Variants in PIK3C2G observed in about 807,000 individuals in gnomAD.
PIK3C2G encodes phosphatidylinositol 3-kinase C2 domain-containing subunit gamma.
In PIK3C2G, 168 loss-of-function variants were observed where a neutral mutation model predicts 181.1. The ratio of observed to expected loss-of-function variants is 0.93; its 90% CI spans 0.82 to 1.05. PIK3C2G has a LOEUF of 1.05. Among genes scored for constraint, PIK3C2G ranks in the 50% least tolerant of loss-of-function variants. The probability of loss-of-function intolerance (pLI) is 0.00; values close to 1 mark genes in which losing one functional copy is unlikely to be tolerated. For missense variants in PIK3C2G, 1,869 were observed against 1,732.8 expected, an observed-to-expected ratio of 1.08 and a Z score of -1.40; for synonymous variants, 573 against 592.2, an observed-to-expected ratio of 0.97 and a Z score of 0.47.
intron 16 of PIK3C2G, among the ~76,000 whole-genome samples, chr12:18,404,471 A>G (rs927982554): frequency 7.9e-5 from 12 of 152,160 alleles, no homozygotes; most frequent in Non-Finnish European, 1.8e-4. Flanking sequence ...CATCACCAAA[A>G]TAAGTATTAA....
At chr12:18,509,355 ATTG>A (rs1292165120) in intron 24 of PIK3C2G, among the ~76,000 whole-genome samples, 1 of 152,224 alleles carries the variant, frequency 6.6e-6, no homozygotes, top group Non-Finnish European at 1.5e-5. Context: ...GTTACAAAAT[ATTG>A]TTAACATATA....
At chr12:18,333,518 T>C (rs1468963197) in intron 8 of PIK3C2G, among the ~76,000 whole-genome samples, 5 of 152,092 alleles carry the variant, frequency 3.3e-5, no homozygotes, top group Admixed American at 2.6e-4. Context: ...CTCCCACTTA[T>C]GAATGAGAAC....
intron 29 of PIK3C2G, among the ~76,000 whole-genome samples, chr12:18,568,384 T>TTG (rs56936466): frequency 0.064 from 9,328 of 145,766 alleles, 343 homozygotes; most frequent in African/African-American, 0.11. Flanking sequence ...ACCAACAAAA[T>TTG]TGTGTGTGTG....
chr12:18,707,574 G>T, the PIK3C2G span, among the ~76,000 whole-genome samples: 1 of 152,108 alleles, frequency 6.6e-6, no homozygotes, highest in African/African-American at 2.4e-5. Flanking sequence ...GCTCACCTAA[G>T]AGTCATACTT....
At chr12:18,579,196 A>G (rs1946372339) in intron 29 of PIK3C2G, among the ~76,000 whole-genome samples, 2 of 152,154 alleles carry the variant, frequency 1.3e-5, no homozygotes, top group South Asian at 4.1e-4. Context: ...TGCAACATAT[A>G]TTTTACTCTC....
chr12:18,420,471 T>A (rs78171632), intron 16 of PIK3C2G, among the ~76,000 whole-genome samples: 3,257 of 152,260 alleles, frequency 0.021, 74 homozygotes, highest in South Asian at 0.028. Flanking sequence ...ATTAAATTAT[T>A]TTTGTTTATT....
chr12:18,402,415 T>C (rs1334858482), intron 16 of PIK3C2G, among the ~76,000 whole-genome samples: 1 of 152,102 alleles, frequency 6.6e-6, no homozygotes, highest in African/African-American at 2.4e-5. Flanking sequence ...GGTATGAGGT[T>C]TCCTTTTGTG....
At chr12:18,400,342 A>G (rs1944177075) in intron 16 of PIK3C2G, among the ~76,000 whole-genome samples, 2 of 152,226 alleles carry the variant, frequency 1.3e-5, no homozygotes. Flanking sequence ...AGCACCAGGA[A>G]AGGGCTAATG....
chr12:18,677,370 G>A, the PIK3C2G span, among the ~76,000 whole-genome samples: 2 of 152,098 alleles, frequency 1.3e-5, no homozygotes, highest in Non-Finnish European at 1.5e-5. Flanking sequence ...ATAGAGGCAA[G>A]GCTAGTTGTT....
At chr12:18,546,833 C>A (rs546287517) in intron 26 of PIK3C2G, among the ~76,000 whole-genome samples, 1 of 152,086 alleles carries the variant, frequency 6.6e-6, no homozygotes, top group Admixed American at 6.6e-5. Flanking sequence ...GATATTTGGT[C>A]AAAGACCTGT....
chr12:18,362,686 A>G (rs924437498), intron 11 of PIK3C2G, 78 bp from the exon 12 acceptor site: 25 of 1,049,162 alleles, frequency 2.4e-5, no homozygotes, highest in Middle Eastern at 2.6e-4. Flanking sequence ...ACTTTTGACT[A>G]CAAAAATAAT....
chr12:18,245,846 A>T (rs10505815), upstream of PIK3C2G, among the ~76,000 whole-genome samples: 65,357 of 151,822 alleles, frequency 0.43, 14,630 homozygotes, highest in East Asian at 0.75. Context: ...ATAAATTCGC[A>T]ACTTGAGTTT....
At chr12:18,593,633 A>G (rs12821147) in intron 29 of PIK3C2G, among the ~76,000 whole-genome samples, 32,818 of 151,690 alleles carry the variant, frequency 0.22, 3,585 homozygotes, top group African/African-American at 0.26. Flanking sequence ...CATGGAGAGG[A>G]CTACTTTGGT....
intron 1 of PIK3C2G, among the ~76,000 whole-genome samples, chr12:18,263,157 A>C (rs1948322530): frequency 6.6e-6 from 1 of 152,070 alleles, no homozygotes; most frequent in South Asian, 2.1e-4. Context: ...TTTTCTTGGC[A>C]ACCTTATTTT....
At chr12:18,300,819 G>A (rs571661001) in intron 5 of PIK3C2G, among the ~76,000 whole-genome samples, 3 of 152,014 alleles carry the variant, frequency 2.0e-5, no homozygotes, top group Non-Finnish European at 4.4e-5. Flanking sequence ...GTGCTTTCAT[G>A]ATGATAGATA....
intron 11 of PIK3C2G, among the ~76,000 whole-genome samples, chr12:18,355,083 C>T (rs1459437061): frequency 6.6e-6 from 1 of 152,220 alleles, no homozygotes; most frequent in African/African-American, 2.4e-5. Context: ...AGCATGGCCT[C>T]CTTCCATGAC....
At chr12:18,333,000 C>T (rs1176099762) in intron 8 of PIK3C2G, among the ~76,000 whole-genome samples, 2 of 152,134 alleles carry the variant, frequency 1.3e-5, no homozygotes, top group African/African-American at 4.8e-5. Flanking sequence ...TCCAAACTGA[C>T]ATGCTAGCTC....
chr12:18,504,752 G>T (rs1004089279), intron 23 of PIK3C2G, among the ~76,000 whole-genome samples: 1 of 152,186 alleles, frequency 6.6e-6, no homozygotes, highest in Non-Finnish European at 1.5e-5. Flanking sequence ...GGCATTCACT[G>T]ATATATATGT....
intron 11 of PIK3C2G, chr12:18,358,972 C>T: frequency 6.4e-6 from 1 of 156,922 alleles, no homozygotes; most frequent in Non-Finnish European, 1.4e-5. Flanking sequence ...CTCCATGGTG[C>T]AGCAGGCTAC....
Sources: allele counts gnomAD v4.1 joint callset (sites outside exome capture counted in the v4.1 genomes callset), GRCh38; gene constraint gnomAD v4.1.1; transcripts MANE v1.5; gene names NCBI Gene and HGNC (gene_info 2026-07-23, HGNC 2026-07-21).